Variants in TECTA observed in about 807,000 individuals in gnomAD.
TECTA encodes alpha-tectorin.
Under a neutral mutation model 216.8 loss-of-function variants are expected in TECTA, and 128 were observed. That is an observed-to-expected ratio of 0.59 (90% confidence interval 0.51 to 0.68). The LOEUF (loss-of-function observed/expected upper bound fraction) is 0.68. TECTA is among the 30% of genes least tolerant of loss of function. The pLI is 0.00. For synonymous variants in TECTA, 1,089 were observed against 1,117.1 expected (o/e 0.97, Z 0.50); for missense variants, 2,551 against 2,786.2 (o/e 0.92, Z 1.90).
At chr11:121,149,505 G>A (rs1032114568) in intron 12 of TECTA, among the ~76,000 whole-genome samples, 4 of 152,162 alleles carry the variant, frequency 2.6e-5, no homozygotes, top group African/African-American at 9.7e-5. Context: ...GGAGCTTTAC[G>A]AATTATATCT....
intron 16 of TECTA, among the ~76,000 whole-genome samples, chr11:121,162,772 G>A (rs1024999250): frequency 6.6e-6 from 1 of 152,210 alleles, no homozygotes; most frequent in African/African-American, 2.4e-5. Context: ...AGGGCAGGTG[G>A]AAGGCAGAGC....
chr11:121,112,582 A>G (rs749481200), intron 4 of TECTA, among the ~76,000 whole-genome samples: 37 of 152,212 alleles, frequency 2.4e-4, no homozygotes, highest in Non-Finnish European at 4.6e-4. Flanking sequence ...CATCTCATCA[A>G]GATTAATGTT....
At position 121,140,649 on chromosome 11, in the gene TECTA, A is replaced by G. The variant is rs74375492; in HGVS notation, c.3543+2627A>G. Among the ~76,000 whole-genome samples the G allele has an allele frequency of 2.3e-3, 343 of 152,326 alleles. 2 individuals carry two copies. Among genetic ancestry groups the G allele is most frequent in the African/African-American group, 8.1e-3 (337 of 41,570 alleles). On this transcript the variant is annotated intron_variant, in intron 11 of 23. Transcript: ENST00000392793. ...CACACTCCCCGTGAGGTCCTCGGGAAGCACCACCCCCTGCCTCTCTCCTAG... is the reference window on the plus strand; with the variant it reads ...CACACTCCCCGTGAGGTCCTCGGGAGGCACCACCCCCTGCCTCTCTCCTAG...
chr11:121,189,718 A>G (rs1220084625), intron 22 of TECTA, 46 bp from the exon 23 acceptor site: 1 of 1,554,634 alleles, frequency 6.4e-7, no homozygotes, highest in Non-Finnish European at 8.9e-7. Flanking sequence ...TACCAGTGGA[A>G]GGGTTGAACT....
chr11:121,157,214 T>C (rs1046098734), intron 13 of TECTA, among the ~76,000 whole-genome samples: 1 of 152,202 alleles, frequency 6.6e-6, no homozygotes, highest in Non-Finnish European at 1.5e-5. Context: ...CCAAATATTC[T>C]TCCTCTTTAC....
intron 2 of TECTA, among the ~76,000 whole-genome samples, chr11:121,103,004 AT>A (rs1199897088): frequency 6.6e-6 from 1 of 152,036 alleles, no homozygotes; most frequent in African/African-American, 2.4e-5. Context: ...ATTACGCAAA[AT>A]TATTTCCATT....
rs1432777088 is a variant in TECTA at position 121,127,704 on chromosome 11, C to A, written c.1775-48C>A. The A allele has an allele frequency of 2.5e-6, 4 of 1,605,640 alleles. No individual in the cohort carries two copies. Among genetic ancestry groups the A allele is most frequent in the Admixed American group, 3.3e-5 (2 of 60,000 alleles). On this transcript the variant is annotated intron_variant, in intron 8 of 23. Transcript: ENST00000392793. The surrounding 1 kb of genome is among the most constrained non-coding windows in gnomAD (Gnocchi z 5.0). ...GTTAAGATTCTGGCGGGTTAGCACT[C>A]CGGGTCCATTCACCTTGTTATCGGC... is the stretch of plus-strand genomic sequence containing the variant.
intron 11 of TECTA, among the ~76,000 whole-genome samples, chr11:121,143,418 CCCT>C (rs1486989711): frequency 2.0e-5 from 3 of 152,200 alleles, no homozygotes; most frequent in African/African-American, 7.2e-5. Flanking sequence ...ACTAGCCAAC[CCCT>C]CCTCCTCCTT....
intron 20 of TECTA, among the ~76,000 whole-genome samples, chr11:121,169,453 GAGA>G (rs1327673005): frequency 1.3e-5 from 2 of 152,156 alleles, no homozygotes; most frequent in African/African-American, 4.8e-5. Flanking sequence ...ATGAATGAAT[GAGA>G]AGAAAAGACT....
Position 121,125,834 on chromosome 11 carries a change from G to T in TECTA, c.1736G>T (p.Gly579Val). Residue 579 changes from glycine (G) to valine (V), a missense_variant, in exon 8 of 24, where the codon GGC (glycine) becomes GTC (valine). Transcript: ENST00000392793. ...TATGCTCTTGTGTGCCAAGCCCTTGGCATTCCAATTGGAGACTGGCGAACC... is the reference window on the plus strand; with the variant it reads ...TATGCTCTTGTGTGCCAAGCCCTTGTCATTCCAATTGGAGACTGGCGAACC... ...QAYALVCQAL[G>V]IPIGDWRTQT... 2 of 1,612,908 alleles carry T rather than the reference G, an allele frequency of 1.2e-6. No individual in the cohort carries two copies. Among genetic ancestry groups the T allele is most frequent in the Non-Finnish European group, 1.7e-6 (2 of 1,180,044 alleles).
At chr11:121,136,798 C>T (rs1026121310) in intron 10 of TECTA, among the ~76,000 whole-genome samples, 32 of 152,096 alleles carry the variant, frequency 2.1e-4, no homozygotes, top group Non-Finnish European at 4.4e-4. Flanking sequence ...CACTCTGGCA[C>T]TTACTAGTTA....
Position 121,105,735 on chromosome 11 carries a change from C to T in TECTA, c.65-96C>T. 6.5e-7 allele frequency: 1 copy of T among 1,527,048 alleles called. No individual in the cohort carries two copies. The highest frequency in any genetic ancestry group is 1.8e-5 in the Admixed American group (1 of 55,060). 94.6% of individuals were successfully genotyped at this position (1,527,048 alleles called of 1,614,324 possible). On this transcript the variant is annotated intron_variant, in intron 2 of 23. Transcript: ENST00000392793. This position sits in a 1 kb window ranked among gnomAD's most constrained non-coding sequence, Gnocchi z 5.3. ...ATGACTTGCATTCAGCTTGCAAGCCCTACTGAAAGAAGCTGGCTTCAGTAG... is the reference window on the plus strand; with the variant it reads ...ATGACTTGCATTCAGCTTGCAAGCCTTACTGAAAGAAGCTGGCTTCAGTAG...
intron 20 of TECTA, among the ~76,000 whole-genome samples, chr11:121,183,725 C>A (rs1947254440): frequency 6.6e-6 from 1 of 151,700 alleles, no homozygotes. Flanking sequence ...GACTCCATCT[C>A]AAAAAAAATA....
chr11:121,138,837 T>C (rs1946756630), intron 11 of TECTA, among the ~76,000 whole-genome samples: 1 of 152,236 alleles, frequency 6.6e-6, no homozygotes, highest in Non-Finnish European at 1.5e-5. Flanking sequence ...TGCTTTAGCA[T>C]TTTAGGGAGC....
At chr11:121,162,461 C>A (rs547288601) in intron 16 of TECTA, 91 bp downstream of exon 16, 6 of 1,446,358 alleles carry the variant, frequency 4.1e-6, no homozygotes, top group Non-Finnish European at 5.6e-6. Flanking sequence ...ATGACTGGTC[C>A]TCTCCAGATT....
chr11:121,183,368 T>G (rs573833059), intron 20 of TECTA, among the ~76,000 whole-genome samples: 1 of 152,248 alleles, frequency 6.6e-6, no homozygotes, highest in East Asian at 1.9e-4. Context: ...AATACTGTTA[T>G]GTGGAGTCTG....
Position 121,113,831 on chromosome 11 carries a change from C to A in TECTA, c.790+113C>A. On this transcript the variant is annotated intron_variant, in intron 6 of 23. Coordinates refer to ENST00000392793, the MANE Select transcript of TECTA (RefSeq NM_005422.4). The surrounding 1 kb of genome is among the most constrained non-coding windows in gnomAD (Gnocchi z 4.2). The stretch of plus-strand genomic sequence containing the variant: ...TCCTGATGCCTTACTCTTTTGACAT[C>A]TCTCCGCTGGGTAATGGAGATCAAG... 1 of 1,270,268 alleles carries A rather than the reference C, an allele frequency of 7.9e-7. No homozygotes were observed. Among genetic ancestry groups the A allele is most frequent in the Non-Finnish European group, 1.1e-6 (1 of 892,636 alleles). The allele number at this position is 1,270,268 out of a possible 1,614,324, so 78.7% of individuals were successfully genotyped here. A position where few individuals can be genotyped will look rare whatever the true frequency, so the allele number is the denominator to read the frequency against.
intron 10 of TECTA, 114 bp downstream of exon 10, chr11:121,130,325 T>A (rs1380806178): frequency 1.7e-6 from 2 of 1,164,246 alleles, no homozygotes; most frequent in Admixed American, 4.4e-5. Context: ...TGATGTTAAT[T>A]ACTGTGTATA....
chr11:121,162,571 C>T (rs1390001604), intron 16 of TECTA, among the ~76,000 whole-genome samples: 1 of 152,212 alleles, frequency 6.6e-6, no homozygotes, highest in African/African-American at 2.4e-5. Context: ...CCACCTACGG[C>T]TCCTGTCCAG....
Sources: gnomAD v4.1 joint callset for allele counts (sites outside exome capture counted in the v4.1 genomes callset) on GRCh38, gnomAD v4.1.1 for gene constraint, Gnocchi (gnomAD v3.1) non-coding constraint, MANE v1.5 for transcripts, NCBI Gene and HGNC (gene_info 2026-07-23, HGNC 2026-07-21) for gene names.